ARSJ: variants seen among roughly 807,000 people sequenced by gnomAD.
ARSJ encodes the protein arylsulfatase family member J, also known as arylsulfatase J.
In ARSJ, 26 loss-of-function variants were observed where a neutral mutation model predicts 35.9. That is an observed-to-expected ratio of 0.72 (90% CI 0.53 to 1.00). The LOEUF (loss-of-function observed/expected upper bound fraction) is 1.00. Among genes scored for constraint, ARSJ ranks in the 50% least tolerant of loss-of-function variants. The pLI, the probability that ARSJ is intolerant of heterozygous loss-of-function variation, is 0.00. For synonymous variants in ARSJ, 294 were observed against 267.6 expected (o/e 1.10, Z -0.96); for missense variants, 667 against 723.6 (o/e 0.92, Z 0.90).
chr4:113,916,221 T>C (rs1723286711), intron 1 of ARSJ, among the ~76,000 whole-genome samples: 1 of 152,178 alleles, frequency 6.6e-6, no homozygotes, highest in Non-Finnish European at 1.5e-5. Flanking sequence ...CTCCAGCATG[T>C]ATTGTGGAAA....
Position 113,901,438 on chromosome 4 carries a change from G to T in ARSJ, c.*836C>A, listed in dbSNP as rs2099667003. 6.6e-6 allele frequency: 1 copy of T among 150,848 alleles called. No individual in the cohort carries two copies. Among genetic ancestry groups the T allele is most frequent in the Non-Finnish European group, 1.5e-5 (1 of 67,704 alleles). 9.3% of individuals were successfully genotyped at this position (150,848 alleles called of 1,614,324 possible). On this transcript the variant is annotated 3_prime_UTR_variant, in exon 2 of 2. Coordinates refer to ENST00000315366, the MANE Select transcript of ARSJ (RefSeq NM_024590.4). The stretch of plus-strand genomic sequence containing the variant: ...ACAGTGCTTGGTAATTTGAAGAAAT[G>T]AAATAAAATTATTCTAATGGTATGC...
intron 1 of ARSJ, among the ~76,000 whole-genome samples, chr4:113,918,591 G>A (rs1186476557): frequency 2.0e-5 from 3 of 151,976 alleles, no homozygotes; most frequent in African/African-American, 7.2e-5. Context: ...TTATTTTATG[G>A]TTAAAATTTT....
intron 1 of ARSJ, among the ~76,000 whole-genome samples, chr4:113,922,412 C>T (rs923882806): frequency 1.3e-5 from 2 of 152,068 alleles, no homozygotes; most frequent in Non-Finnish European, 2.9e-5. Context: ...AACTATTGTT[C>T]CATGTTTAAT....
chr4:113,933,118 A>G (rs752052633), intron 1 of ARSJ, among the ~76,000 whole-genome samples: 3 of 152,036 alleles, frequency 2.0e-5, no homozygotes, highest in African/African-American at 7.2e-5. Context: ...TAAGAAATGG[A>G]TAAATTGGTA....
chr4:113,969,702 T>G (rs1727121800), intron 1 of ARSJ, among the ~76,000 whole-genome samples: 1 of 152,198 alleles, frequency 6.6e-6, no homozygotes. Context: ...GAATCAGCAC[T>G]GTACTGTAAT....
At chr4:113,942,646 C>A (rs903787342) in intron 1 of ARSJ, among the ~76,000 whole-genome samples, 5 of 152,030 alleles carry the variant, frequency 3.3e-5, no homozygotes, top group Non-Finnish European at 5.9e-5. Flanking sequence ...TCAATTTCAG[C>A]ATGCAGTGGT....
At chr4:113,924,004 T>G (rs1332209770) in intron 1 of ARSJ, among the ~76,000 whole-genome samples, 2 of 142,830 alleles carry the variant, frequency 1.4e-5, no homozygotes, top group African/African-American at 5.2e-5. Context: ...AAATAGAATC[T>G]ACTATCTATA....
rs747717773 is a variant in ARSJ at position 113,902,405 on chromosome 4, C to G, written c.1669G>C (p.Glu557Gln). The G allele has an allele frequency of 3.7e-6, 6 of 1,613,898 alleles. No homozygotes were observed. The South Asian group carries it at 6.6e-5, about 18-fold the overall frequency. The change falls in exon 2 of 2, where the codon GAG becomes CAG. Residue 557 changes from glutamate (E) to glutamine (Q), a missense_variant. Glu to Gln is a conservative substitution (Grantham distance 29). Transcript: ENST00000315366. ...CTTGGCTTCTTTTTCTTGGTTTCCT[C>G]TTTATACCATGGTCCCCAGACCCCT... ...NGGVWGPWYK[E>Q]ETKKKKPSKN...
At chr4:113,910,627 T>C (rs926002209) in intron 1 of ARSJ, among the ~76,000 whole-genome samples, 3 of 152,208 alleles carry the variant, frequency 2.0e-5, no homozygotes, top group Admixed American at 6.6e-5. Flanking sequence ...ATTCTATTTA[T>C]GGGCCTTAAT....
chr4:113,950,610 G>A (rs1172254280), intron 1 of ARSJ, among the ~76,000 whole-genome samples: 1 of 152,022 alleles, frequency 6.6e-6, no homozygotes, highest in East Asian at 1.9e-4. Context: ...AGGAAGAGGG[G>A]AGAGATAGTA....
chr4:113,906,131 A>G (rs1486434414), intron 1 of ARSJ, among the ~76,000 whole-genome samples: 1 of 152,248 alleles, frequency 6.6e-6, no homozygotes, highest in Non-Finnish European at 1.5e-5. Flanking sequence ...AACTTGGAGG[A>G]AATTAAAAAG....
intron 1 of ARSJ, among the ~76,000 whole-genome samples, chr4:113,953,039 C>A (rs1186704222): frequency 2.0e-5 from 3 of 152,022 alleles, no homozygotes; most frequent in Non-Finnish European, 4.4e-5. Flanking sequence ...ATCTCCCATT[C>A]TTGGAACAAG....
At chr4:113,907,885 TTTGA>T (rs1434956466) in intron 1 of ARSJ, among the ~76,000 whole-genome samples, 1 of 151,980 alleles carries the variant, frequency 6.6e-6, no homozygotes, top group Non-Finnish European at 1.5e-5. Context: ...AGTGCTAAAC[TTTGA>T]TTGCACATGA....
chr4:113,907,958 G>T (rs1358340473), intron 1 of ARSJ, among the ~76,000 whole-genome samples: 2 of 152,002 alleles, frequency 1.3e-5, no homozygotes, highest in Non-Finnish European at 2.9e-5. Context: ...GTGGGAGAAG[G>T]GTGAGGCTTG....
intron 1 of ARSJ, among the ~76,000 whole-genome samples, chr4:113,907,485 G>A (rs2099669109): frequency 6.6e-6 from 1 of 151,870 alleles, no homozygotes; most frequent in African/African-American, 2.4e-5. Context: ...TTGGGGGTAA[G>A]AATGATAATC....
chr4:113,963,044 C>T (rs916876000), intron 1 of ARSJ, among the ~76,000 whole-genome samples: 1 of 152,032 alleles, frequency 6.6e-6, no homozygotes, highest in Non-Finnish European at 1.5e-5. Context: ...CCTTCCTTGC[C>T]TCCCTTCTTA....
At chr4:113,968,457 G>A (rs2149284832) in intron 1 of ARSJ, among the ~76,000 whole-genome samples, 1 of 152,278 alleles carries the variant, frequency 6.6e-6, no homozygotes, top group South Asian at 2.1e-4. Flanking sequence ...TGCCTGAGGT[G>A]GGGTGAGAAA....
chr4:113,908,010 G>A (rs967851041), intron 1 of ARSJ, among the ~76,000 whole-genome samples: 12 of 152,080 alleles, frequency 7.9e-5, no homozygotes, highest in Admixed American at 5.9e-4. Flanking sequence ...CCTGGGTGAC[G>A]ATATATCTGT....
chr4:113,912,314 C>A (rs1461919527), intron 1 of ARSJ, among the ~76,000 whole-genome samples: 1 of 152,140 alleles, frequency 6.6e-6, no homozygotes, highest in Non-Finnish European at 1.5e-5. Flanking sequence ...GCATCACTTA[C>A]TATAGAGAAG....
Sources: allele counts gnomAD v4.1 joint callset (sites outside exome capture counted in the v4.1 genomes callset), GRCh38; gene constraint gnomAD v4.1.1; transcripts MANE v1.5; gene names NCBI Gene and HGNC (gene_info 2026-07-23, HGNC 2026-07-21).